The following SECISBP2 variants were observed in gnomAD, a reference collection of about 807,000 sequenced individuals.
SECISBP2 encodes the protein SECIS binding protein 2, also known as selenocysteine insertion sequence-binding protein 2.
Under a neutral mutation model 98.2 loss-of-function variants are expected in SECISBP2, and 96 were observed. The observed-to-expected ratio is 0.98, with a 90% CI of 0.83 to 1.16. The LOEUF (loss-of-function observed/expected upper bound fraction) is 1.16. Among genes scored for constraint, SECISBP2 ranks in the 50% most tolerant of loss-of-function variants. SECISBP2 has a pLI of 0.00. For synonymous variants in SECISBP2, 407 were observed against 370.2 expected (o/e 1.10, Z -1.14); for missense variants, 1,046 against 1,022.9 (o/e 1.02, Z -0.31).
downstream of SECISBP2, chr9:89,363,692 T>C (rs1833116460): frequency 1.3e-6 from 2 of 1,596,764 alleles, no homozygotes; most frequent in Non-Finnish European, 1.7e-6. Flanking sequence ...TTGTAAATAG[T>C]GAAAAATTAC....
rs1405470846 is a variant in SECISBP2, at chr9:89,357,506, A to C, written c.2209A>C (p.Ser737Arg). ...FALNRKALGR[S>R]LNKAVPVSVV... is the part of the protein sequence containing the mutation. ...TCTCAACCGCAAAGCTCTGGGGCGC[A>C]GTTTGAATAAGGCAGTTCCTGTCAG... Residue 737 changes from serine to arginine, a missense_variant, in exon 15 of 17, where the codon AGT (serine) becomes CGT (arginine). By Grantham distance (110) the Ser-to-Arg change is moderately radical. Coordinates refer to ENST00000375807, the MANE Select transcript of SECISBP2 (RefSeq NM_024077.5). 6.2e-7 allele frequency: 1 copy of C among 1,614,100 alleles called. No homozygotes were observed. The highest frequency in any genetic ancestry group is 8.5e-7 in the Non-Finnish European group (1 of 1,180,054).
intron 9 of SECISBP2, among the ~76,000 whole-genome samples, chr9:89,340,184 A>G (rs1458566582): frequency 6.6e-6 from 1 of 152,194 alleles, no homozygotes; most frequent in Non-Finnish European, 1.5e-5. Context: ...TTATTTTATA[A>G]TAAGATTTGG....
At chr9:89,334,419 A>T in intron 6 of SECISBP2, 103 bp from the exon 7 acceptor site, 2 of 980,168 alleles carry the variant, frequency 2.0e-6, no homozygotes, top group Non-Finnish European at 3.2e-6. Flanking sequence ...CCTACATTTA[A>T]TGATGCTCTG....
chr9:89,332,333 A>G (rs1049655731), intron 5 of SECISBP2, among the ~76,000 whole-genome samples: 2 of 152,152 alleles, frequency 1.3e-5, no homozygotes, highest in African/African-American at 4.8e-5. Context: ...CATCACCCAA[A>G]GCGCATCGTT....
intron 14 of SECISBP2, chr9:89,355,179 A>G: frequency 5.1e-6 from 5 of 985,448 alleles, no homozygotes; most frequent in Non-Finnish European, 6.0e-6. Context: ...TTCTCTTGAA[A>G]TGAGAGGATC....
At chr9:89,353,777 A>G (rs1430472084) in intron 14 of SECISBP2, among the ~76,000 whole-genome samples, 1 of 152,238 alleles carries the variant, frequency 6.6e-6, no homozygotes, top group African/African-American at 2.4e-5. Context: ...CTTGGAAGAC[A>G]TCATTCTCCT....
rs751896305 is a variant in SECISBP2 at position 89,319,736 on chromosome 9, T to C, written c.121T>C (p.Cys41Arg). Residue 41 changes from cysteine to arginine, a missense_variant, in exon 2 of 17, where the codon TGT becomes CGT. Transcript: ENST00000375807. ...GGCATGGTTAGAGTCCTCAGAAGCA[T>C]GTGTCTTCCCCAGCTCTGCAGCCAC... ...NVAWLESSEA[C>R]VFPSSAATYY... 1 of 1,614,190 alleles carries C rather than the reference T, an allele frequency of 6.2e-7. No homozygotes were observed. Among genetic ancestry groups the C allele is most frequent in the Non-Finnish European group, 8.5e-7 (1 of 1,179,996 alleles).
At chr9:89,356,293 C>G (rs1309170449) in intron 14 of SECISBP2, among the ~76,000 whole-genome samples, 1 of 152,232 alleles carries the variant, frequency 6.6e-6, no homozygotes, top group Non-Finnish European at 1.5e-5. Context: ...CCAAAACCAT[C>G]TTCCCCTGTC....
At position 89,359,013 on chromosome 9, in the gene SECISBP2, C is replaced by G. The variant is rs1832535462; in HGVS notation, c.*189C>G. The G allele has an allele frequency of 3.3e-6, 2 of 603,976 alleles. No individual in the cohort carries two copies. The highest frequency in any genetic ancestry group is 5.9e-6 in the Non-Finnish European group (2 of 339,618). The allele number at this position is 603,976 out of a possible 1,614,324, so 37.4% of individuals were successfully genotyped here. Reference sequence around the variant, plus strand: ...GTGCTGCGGAGCCTGTTAAAGGTCACTCAGATGTGCAGGTGTTAATCTTCT... The same window carrying G: ...GTGCTGCGGAGCCTGTTAAAGGTCAGTCAGATGTGCAGGTGTTAATCTTCT... On this transcript the variant is annotated 3_prime_UTR_variant, in exon 17 of 17. Transcript: ENST00000375807.
chr9:89,355,285 CCAG>C, intron 14 of SECISBP2: 1 of 985,390 alleles, frequency 1.0e-6, no homozygotes, highest in Non-Finnish European at 1.2e-6. Flanking sequence ...ATCCTGTAGG[CCAG>C]ATGCCTGGCC....
At position 89,350,371 on chromosome 9, in the gene SECISBP2, A is replaced by G. The variant is rs78618552; in HGVS notation, c.1893-261A>G. On this transcript the variant is annotated intron_variant, in intron 13 of 16. Coordinates refer to ENST00000375807, the MANE Select transcript of SECISBP2 (RefSeq NM_024077.5). Reference sequence around the variant, plus strand: ...GGAGATGCACGGGGTAGTGGCTGAGATGGGGACCTGTGGCAAACTATGGTT... The same window carrying G: ...GGAGATGCACGGGGTAGTGGCTGAGGTGGGGACCTGTGGCAAACTATGGTT... Among the ~76,000 whole-genome samples, 1,050 of 152,314 alleles carry G rather than the reference A, an allele frequency of 6.9e-3. 15 individuals carry two copies. Among genetic ancestry groups the G allele is most frequent in the African/African-American group, 0.024 (995 of 41,568 alleles).
In SECISBP2 at chr9:89,354,527, G is replaced by A. The variant is rs547957965; in HGVS notation, c.2114-2884G>A. On this transcript the variant is annotated intron_variant, in intron 14 of 16. Transcript: ENST00000375807. ...AGCGCCTAGGGTTCTGTTGGGGGCC[G>A]GTCACGCAGGCATCCTCTGCCTAGC... Among the ~76,000 whole-genome samples, 244 of 152,240 alleles carry A rather than the reference G, an allele frequency of 1.6e-3. 1 individual carries two copies. The highest frequency in any genetic ancestry group is 5.4e-3 in the African/African-American group (223 of 41,522).
In SECISBP2 at chr9:89,339,945, C is replaced by T. The variant is rs1171520911; in HGVS notation, c.1294C>T (p.Gln432Ter). 6.2e-7 allele frequency: 1 copy of T among 1,609,540 alleles called. No homozygotes were observed. The highest frequency in any genetic ancestry group is 2.2e-5 in the East Asian group (1 of 44,826). ...IETPKFQSKQ[Q>*]PQDNFKNNVK... Reference sequence around the variant, plus strand: ...GACACCGAAATTTCAATCTAAGCAGCAGCCACAGGTAATTTTTAGATTGAA... The same window carrying T: ...GACACCGAAATTTCAATCTAAGCAGTAGCCACAGGTAATTTTTAGATTGAA... Residue 432 changes from glutamine (Q) to a stop codon, truncating the protein, a stop_gained, in exon 9 of 17, where the codon CAG (glutamine) becomes TAG (stop). Coordinates refer to ENST00000375807, the MANE Select transcript of SECISBP2 (RefSeq NM_024077.5). LOFTEE classifies it high-confidence loss of function.
At chr9:89,350,914 G>A (rs1439371866) in intron 14 of SECISBP2, 62 bp downstream of exon 14, 38 of 1,393,268 alleles carry the variant, frequency 2.7e-5, no homozygotes, top group Middle Eastern at 1.8e-4. Context: ...GTGTGCCCTC[G>A]TGTTTGCCAC....
intron 14 of SECISBP2, among the ~76,000 whole-genome samples, chr9:89,352,194 C>A (rs1027515249): frequency 6.6e-6 from 1 of 152,138 alleles, no homozygotes; most frequent in Admixed American, 6.5e-5. Context: ...ATTAATGAAA[C>A]CTCATGCCCT....
chr9:89,337,505 G>A (rs535137927), intron 7 of SECISBP2, among the ~76,000 whole-genome samples: 1 of 152,264 alleles, frequency 6.6e-6, no homozygotes, highest in African/African-American at 2.4e-5. Flanking sequence ...ATGAAAATAT[G>A]AACAAAGAGA....
chr9:89,362,358 TC>T (rs771083976), downstream of SECISBP2: 3 of 1,613,516 alleles, frequency 1.9e-6, no homozygotes, highest in Non-Finnish European at 2.5e-6. Context: ...GGCAGCAGGG[TC>T]TTGTTGGGGT....
chr9:89,336,746 C>T (rs972548712), intron 7 of SECISBP2, among the ~76,000 whole-genome samples: 1 of 135,732 alleles, frequency 7.4e-6, no homozygotes, highest in African/African-American at 2.8e-5. Flanking sequence ...GCAGGCTGGA[C>T]AACAGCCCAC....
At chr9:89,319,908 G>C (rs1399484130) in intron 2 of SECISBP2, 111 bp downstream of exon 2, 3 of 1,143,378 alleles carry the variant, frequency 2.6e-6, no homozygotes, top group Non-Finnish European at 3.9e-6. Flanking sequence ...GATGATGAGA[G>C]AATGCTCTTC....
Sources: allele counts gnomAD v4.1 joint callset (sites outside exome capture counted in the v4.1 genomes callset), GRCh38; gene constraint gnomAD v4.1.1; transcripts MANE v1.5; gene names NCBI Gene and HGNC (gene_info 2026-07-23, HGNC 2026-07-21).